Variants in DNAH12 observed in about 807,000 individuals in gnomAD.
DNAH12 encodes the protein axonemal beta dynein heavy chain 12.
A neutral mutation model predicts 371.5 loss-of-function variants in DNAH12; 285 were observed. The ratio of observed to expected loss-of-function variants is 0.77; its 90% CI spans 0.70 to 0.85. The LOEUF is 0.85. DNAH12 is among the 40% of genes least tolerant of loss of function. DNAH12 has a pLI of 0.00. For synonymous variants in DNAH12, 1,200 were observed against 1,213.0 expected (o/e 0.99, Z 0.22); for missense variants, 3,611 against 3,689.4 (o/e 0.98, Z 0.55).
chr3:57,360,654 T>C (rs2062905305), intron 58 of DNAH12, among the ~76,000 whole-genome samples: 2 of 151,066 alleles, frequency 1.3e-5, no homozygotes, highest in East Asian at 1.9e-4. Context: ...GCCATTGTAC[T>C]ATAGCCTGGG....
At chr3:57,461,075 A>G (rs78979582) in intron 19 of DNAH12, among the ~76,000 whole-genome samples, 26 of 152,302 alleles carry the variant, frequency 1.7e-4, no homozygotes, top group Non-Finnish European at 3.2e-4. Flanking sequence ...TCTCAAGTGA[A>G]CAATAATTCA....
upstream of DNAH12, among the ~76,000 whole-genome samples, chr3:57,547,457 C>T (rs916597903): frequency 3.9e-5 from 6 of 151,918 alleles, no homozygotes; most frequent in East Asian, 3.9e-4. Flanking sequence ...CACGCCTGGC[C>T]GATGTACATC....
intron 2 of DNAH12, among the ~76,000 whole-genome samples, chr3:57,527,445 T>C (rs2068688705): frequency 6.6e-6 from 1 of 152,194 alleles, no homozygotes; most frequent in Admixed American, 6.5e-5. Context: ...ACAGGAAGCA[T>C]AGCAGCATCT....
chr3:57,462,915 G>T, intron 17 of DNAH12, 40 bp from the exon 18 acceptor site: 2 of 1,410,902 alleles, frequency 1.4e-6, no homozygotes, highest in South Asian at 2.5e-5. Flanking sequence ...TCACTCATTT[G>T]ACTTCCACAC....
intron 22 of DNAH12, among the ~76,000 whole-genome samples, chr3:57,455,420 A>G (rs1019227190): frequency 1.3e-5 from 2 of 151,800 alleles, no homozygotes; most frequent in African/African-American, 4.8e-5. Context: ...AAAAAAAAAA[A>G]ATAGCTGGGC....
chr3:57,460,007 T>A (rs2066010920), intron 19 of DNAH12, among the ~76,000 whole-genome samples: 1 of 152,058 alleles, frequency 6.6e-6, no homozygotes, highest in African/African-American at 2.4e-5. Context: ...ACTGTAACAT[T>A]ATTTTGACCA....
At chr3:57,314,970 C>T (rs1182534993) in intron 65 of DNAH12, among the ~76,000 whole-genome samples, 1 of 152,136 alleles carries the variant, frequency 6.6e-6, no homozygotes, top group Non-Finnish European at 1.5e-5. Flanking sequence ...TGTAAACTTG[C>T]TGGCATATGC....
chr3:57,397,228 A>G (rs1228616977), intron 43 of DNAH12, among the ~76,000 whole-genome samples: 10 of 152,338 alleles, frequency 6.6e-5, no homozygotes, highest in Admixed American at 6.5e-4. Context: ...AGCAATATAC[A>G]GAACACAATT....
At chr3:57,306,078 C>G (rs1330913898) in intron 69 of DNAH12, among the ~76,000 whole-genome samples, 3 of 152,178 alleles carry the variant, frequency 2.0e-5, no homozygotes, top group South Asian at 4.1e-4. Flanking sequence ...GGCAGCCACT[C>G]CCAGAGCCCC....
intron 2 of DNAH12, among the ~76,000 whole-genome samples, chr3:57,526,590 G>A (rs536961545): frequency 4.7e-5 from 7 of 148,068 alleles, no homozygotes; most frequent in Admixed American, 4.1e-4. Context: ...GTGTGGTGGC[G>A]TGATCTCAGC....
the DNAH12 span, among the ~76,000 whole-genome samples, chr3:57,550,479 C>T: frequency 2.6e-5 from 4 of 151,914 alleles, no homozygotes; most frequent in Middle Eastern, 3.4e-3. Flanking sequence ...TTTTTATATC[C>T]GTTTATTTTT....
Position 57,302,557 on chromosome 3 carries a change from A to T in DNAH12, c.11190-618T>A, listed in dbSNP as rs28681362. Among the ~76,000 whole-genome samples, 518 of 58,486 alleles carry T rather than the reference A, an allele frequency of 8.9e-3. 21 individuals are homozygous for T. Among genetic ancestry groups the T allele is most frequent in the African/African-American group, 0.021 (420 of 19,920 alleles). The allele number at this position is 58,486 out of a possible 152,430, so 38.4% of individuals were successfully genotyped here. A position where few individuals can be genotyped will look rare whatever the true frequency, so the allele number is the denominator to read the frequency against. Reference sequence around the variant, plus strand: ...TATATATATATATATATATATATATATATATATGTATTTTTTTTTTTTTTT... The same window carrying T: ...TATATATATATATATATATATATATTTATATATGTATTTTTTTTTTTTTTT... On this transcript the variant is annotated intron_variant, in intron 69 of 73. Coordinates refer to ENST00000495027, the MANE Select transcript of DNAH12 (RefSeq NM_001366028.2).
At chr3:57,354,538 T>TAAAAA (rs1372789364) in intron 59 of DNAH12, among the ~76,000 whole-genome samples, 1 of 52,904 alleles carries the variant, frequency 1.9e-5, no homozygotes, top group Non-Finnish European at 4.4e-5. Flanking sequence ...TCTTGTTTGC[T>TAAAAA]AAAAAAAAAA....
chr3:57,548,566 G>A (rs964674779), upstream of DNAH12, among the ~76,000 whole-genome samples: 1 of 152,074 alleles, frequency 6.6e-6, no homozygotes, highest in African/African-American at 2.4e-5. Context: ...TTAGCCAGGC[G>A]TTGGTGGTGT....
chr3:57,468,315 G>A (rs112451516), intron 17 of DNAH12, among the ~76,000 whole-genome samples: 2 of 152,184 alleles, frequency 1.3e-5, no homozygotes, highest in African/African-American at 4.8e-5. Flanking sequence ...TCAACAGAGT[G>A]AGACCCTATC....
chr3:57,458,605 C>G (rs1020851354), intron 20 of DNAH12, among the ~76,000 whole-genome samples: 2 of 152,114 alleles, frequency 1.3e-5, no homozygotes, highest in African/African-American at 4.8e-5. Context: ...CAGACCAAAT[C>G]CAGTCTGTTG....
chr3:57,468,708 A>C (rs986493441), intron 17 of DNAH12, 28 bp downstream of exon 17: 1 of 1,276,116 alleles, frequency 7.8e-7, no homozygotes, highest in African/African-American at 1.6e-5. Flanking sequence ...TAGCTATAAT[A>C]TTAAAATGTT....
At chr3:57,380,700 A>G (rs2063371520) in intron 50 of DNAH12, among the ~76,000 whole-genome samples, 1 of 152,108 alleles carries the variant, frequency 6.6e-6, no homozygotes, top group Non-Finnish European at 1.5e-5. Flanking sequence ...CCTGACCTCA[A>G]GTGATCCACC....
At chr3:57,499,022 C>CACACAT (rs2067417854) in intron 11 of DNAH12, among the ~76,000 whole-genome samples, 1 of 151,922 alleles carries the variant, frequency 6.6e-6, no homozygotes, top group South Asian at 2.1e-4. Context: ...AAAACACACA[C>CACACAT]ACACAAAAAC....
Sources: gnomAD v4.1 joint callset for allele counts (sites outside exome capture counted in the v4.1 genomes callset) on GRCh38, gnomAD v4.1.1 for gene constraint, MANE v1.5 for transcripts, NCBI Gene and HGNC (gene_info 2026-07-23, HGNC 2026-07-21) for gene names.